The following RBFOX1 variants were observed in gnomAD, a reference collection of about 807,000 sequenced individuals.
RBFOX1 encodes RNA binding fox-1 homolog 1, also known as RNA binding protein fox-1 homolog 1.
Under a neutral mutation model 57.7 loss-of-function variants are expected in RBFOX1, and 8 were observed. The observed-to-expected ratio is 0.14, with a 90% CI of 0.08 to 0.25. The LOEUF (loss-of-function observed/expected upper bound fraction) is 0.25. RBFOX1 is among the 10% of genes least tolerant of loss of function. RBFOX1 has a pLI of 1.00. For synonymous variants in RBFOX1, 326 were observed against 222.4 expected (o/e 1.47, Z -4.15); for missense variants, 611 against 548.5 (o/e 1.11, Z -1.14).
At chr16:5,926,122 T>C (rs1483941512) in intron 4 of RBFOX1, among the ~76,000 whole-genome samples, 1 of 152,184 alleles carries the variant, frequency 6.6e-6, no homozygotes, top group African/African-American at 2.4e-5. Flanking sequence ...CAAAGACATA[T>C]TGTTATCTCT....
intron 2 of RBFOX1, chr16:6,576,934 A>G (rs2097447647): frequency 6.6e-6 from 1 of 152,224 alleles, no homozygotes; most frequent in African/African-American, 2.4e-5. Context: ...ACCTGTAAAG[A>G]ACCACCCATC....
At chr16:5,761,341 A>G (rs1200815692) in intron 3 of RBFOX1, among the ~76,000 whole-genome samples, 2 of 152,206 alleles carry the variant, frequency 1.3e-5, no homozygotes, top group African/African-American at 4.8e-5. Context: ...AAAGAGATAG[A>G]TCTGGCCTTG....
chr16:7,372,537 G>A (rs976890019), intron 4 of RBFOX1, among the ~76,000 whole-genome samples: 18 of 152,274 alleles, frequency 1.2e-4, no homozygotes, highest in African/African-American at 4.3e-4. Context: ...TTGATTAGTA[G>A]TGGCTGTTAG....
chr16:7,499,462 A>C (rs1002169052), intron 4 of RBFOX1, among the ~76,000 whole-genome samples: 2 of 150,644 alleles, frequency 1.3e-5, no homozygotes, highest in Non-Finnish European at 1.5e-5. Flanking sequence ...GGACTTTAGT[A>C]TTGGAATTTG....
At chr16:7,267,674 G>T (rs374820949) in intron 4 of RBFOX1, among the ~76,000 whole-genome samples, 1 of 152,078 alleles carries the variant, frequency 6.6e-6, no homozygotes, top group Non-Finnish European at 1.5e-5. Context: ...GGCCAACATG[G>T]CAAAACCCCA....
intron 2 of RBFOX1, among the ~76,000 whole-genome samples, chr16:6,494,387 C>T (rs2095709374): frequency 6.6e-6 from 1 of 152,170 alleles, no homozygotes; most frequent in East Asian, 1.9e-4. Flanking sequence ...TGCCCCTGTT[C>T]TTAACCCCTG....
chr16:6,837,052 G>T (rs2093152131), intron 3 of RBFOX1, among the ~76,000 whole-genome samples: 1 of 152,072 alleles, frequency 6.6e-6, no homozygotes, highest in African/African-American at 2.4e-5. Context: ...CCCAGGACAG[G>T]GTAAGGATGA....
intron 3 of RBFOX1, among the ~76,000 whole-genome samples, chr16:5,865,244 A>T (rs562121844): frequency 1.3e-5 from 2 of 152,118 alleles, no homozygotes; most frequent in Non-Finnish European, 2.9e-5. Flanking sequence ...AAATACACAC[A>T]TTCACGTGAG....
intron 3 of RBFOX1, among the ~76,000 whole-genome samples, chr16:6,655,426 ACAACACAT>A (rs112819564): frequency 0.053 from 7,767 of 145,498 alleles, 520 homozygotes; most frequent in African/African-American, 0.13. Flanking sequence ...AATTTCCATC[ACAACACAT>A]CAACACATTC....
intron 3 of RBFOX1, among the ~76,000 whole-genome samples, chr16:6,824,288 C>T (rs942118341): frequency 6.6e-6 from 1 of 152,002 alleles, no homozygotes; most frequent in African/African-American, 2.4e-5. Context: ...ACCTGTAATC[C>T]CGGCTACTCA....
chr16:7,012,936 C>G (rs1304921734), intron 3 of RBFOX1, among the ~76,000 whole-genome samples: 4 of 152,024 alleles, frequency 2.6e-5, no homozygotes, highest in Non-Finnish European at 5.9e-5. Flanking sequence ...CTGGTGGAGG[C>G]TCTCTTTGTG....
intron 4 of RBFOX1, among the ~76,000 whole-genome samples, chr16:7,402,282 G>A (rs1330440886): frequency 6.6e-6 from 1 of 152,190 alleles, no homozygotes; most frequent in African/African-American, 2.4e-5. Context: ...GTTGTTAACT[G>A]CCCTGAAAGT....
intron 3 of RBFOX1, among the ~76,000 whole-genome samples, chr16:7,034,275 A>G (rs1425968956): frequency 1.3e-5 from 2 of 152,176 alleles, no homozygotes; most frequent in African/African-American, 4.8e-5. Context: ...TGATAATGAC[A>G]GTATCTACTG....
rs548573933 is a variant in RBFOX1 at position 6,942,510 on chromosome 16, C to T, written c.-15-109547C>T. The stretch of plus-strand genomic sequence containing the variant: ...CATCTCCATCTCCTGGGAGATGAAG[C>T]TTCCTAGTGAGACTATCAGTTAGAG... On this transcript the variant is annotated intron_variant, in intron 3 of 15. Transcript: ENST00000550418. Among the ~76,000 whole-genome samples, 31 of 152,208 alleles carry T rather than the reference C, an allele frequency of 2.0e-4. 2 individuals are homozygous for T. In the South Asian group the frequency reaches 6.2e-3, roughly 31 times the overall value.
chr16:5,981,544 C>G (rs543391886), intron 4 of RBFOX1, among the ~76,000 whole-genome samples: 1 of 152,194 alleles, frequency 6.6e-6, no homozygotes. Context: ...TCTCAGCTCA[C>G]TGCAGCCTCC....
At chr16:6,984,014 A>T (rs2089641139) in intron 3 of RBFOX1, among the ~76,000 whole-genome samples, 1 of 152,132 alleles carries the variant, frequency 6.6e-6, no homozygotes, top group Non-Finnish European at 1.5e-5. Flanking sequence ...TTGGGAGGCC[A>T]AGGTGGGCAG....
At chr16:7,384,053 CAAA>C (rs34230094) in intron 4 of RBFOX1, among the ~76,000 whole-genome samples, 2 of 95,898 alleles carry the variant, frequency 2.1e-5, no homozygotes, top group Non-Finnish European at 2.2e-5. Context: ...GACTCCATCT[CAAA>C]AAAAAAAAAA....
chr16:7,085,599 A>C (rs571640423), intron 4 of RBFOX1, among the ~76,000 whole-genome samples: 1 of 152,150 alleles, frequency 6.6e-6, no homozygotes, highest in Admixed American at 6.5e-5. Context: ...ATGCCTGCAA[A>C]ATTTTAAAGA....
chr16:7,410,828 C>T (rs1040984996), intron 4 of RBFOX1, among the ~76,000 whole-genome samples: 1 of 40,050 alleles, frequency 2.5e-5, no homozygotes, highest in African/African-American at 6.7e-5. Flanking sequence ...CATGAGTTTT[C>T]ACGTGTGTGT....
Sources: allele counts gnomAD v4.1 joint callset (sites outside exome capture counted in the v4.1 genomes callset), GRCh38; gene constraint gnomAD v4.1.1; transcripts MANE v1.5; gene names NCBI Gene and HGNC (gene_info 2026-07-23, HGNC 2026-07-21).